Variants in IFI44L observed in about 807,000 individuals in gnomAD.
The protein encoded by IFI44L is interferon induced protein 44 like.
In IFI44L, 40 loss-of-function variants were observed where a neutral mutation model predicts 39.3. The observed-to-expected ratio is 1.02, with a 90% CI of 0.79 to 1.33. The LOEUF is 1.33. Ranked by LOEUF, IFI44L falls within the 40% of genes most tolerant of loss-of-function variation. The pLI is 0.00. For missense variants in IFI44L, 623 were observed against 549.0 expected (o/e 1.13, Z -1.35); for synonymous variants, 198 against 182.3 (o/e 1.09, Z -0.69).
chr1:78,635,308 C>G, intron 4 of IFI44L, 29 bp from the exon 5 acceptor site: 4 of 1,506,644 alleles, frequency 2.7e-6, no homozygotes, highest in Non-Finnish European at 3.7e-6. Flanking sequence ...GATGAATGAA[C>G]CTTTACACTT....
chr1:78,641,905 T>A lies in IFI44L; in HGVS notation c.*96T>A. The stretch of plus-strand genomic sequence containing the variant: ...TGACAGCCTGCTTCAGATTTTGCTT[T>A]TGTTCGTTTTGCCTTCTGTCCTTGG... On this transcript the variant is annotated 3_prime_UTR_variant, in exon 9 of 9. Coordinates refer to ENST00000370751, the MANE Select transcript of IFI44L (RefSeq NM_006820.4). 1 of 1,353,780 alleles carries A rather than the reference T, an allele frequency of 7.4e-7. No individual in the cohort carries two copies. Among genetic ancestry groups the A allele is most frequent in the Non-Finnish European group, 1.1e-6 (1 of 943,324 alleles). 83.9% of individuals were successfully genotyped at this position (1,353,780 alleles called of 1,614,324 possible). A position where few individuals can be genotyped will look rare whatever the true frequency, so the allele number is the denominator to read the frequency against.
In IFI44L at chr1:78,635,431, G is replaced by T. The variant is rs138987531; in HGVS notation, c.818G>T (p.Gly273Val). Residue 273 changes from glycine to valine, a missense_variant, in exon 5 of 9, where the codon GGA becomes GTA. Gly to Val is a moderately radical substitution (Grantham distance 109, BLOSUM62 -3). Transcript: ENST00000370751. ...TMGLDGAEGA[G>V]LCMDDIPHIL... Reference sequence around the variant, plus strand: ...GGGCTAGATGGGGCAGAAGGAGCAGGACTGTGCATGGATGACATTCCCCAC... The same window carrying T: ...GGGCTAGATGGGGCAGAAGGAGCAGTACTGTGCATGGATGACATTCCCCAC... 2.4e-5 allele frequency: 38 copies of T among 1,613,596 alleles called. No homozygotes were observed. In the African/African-American group the frequency reaches 4.0e-4, roughly 17 times the overall value.
intron 4 of IFI44L, among the ~76,000 whole-genome samples, chr1:78,633,168 G>A (rs1159316193): frequency 6.6e-6 from 1 of 152,200 alleles, no homozygotes; most frequent in African/African-American, 2.4e-5. Context: ...CTCAACCCCA[G>A]GGAGCATAGT....
intron 6 of IFI44L, among the ~76,000 whole-genome samples, chr1:78,640,122 G>C (rs1421147562): frequency 6.6e-6 from 1 of 152,076 alleles, no homozygotes; most frequent in Non-Finnish European, 1.5e-5. Flanking sequence ...GGGTAAGACA[G>C]AAATGCTAAG....
At chr1:78,621,723 TTC>T (rs1652281681) in intron 1 of IFI44L, among the ~76,000 whole-genome samples, 1 of 152,096 alleles carries the variant, frequency 6.6e-6, no homozygotes, top group Admixed American at 6.5e-5. Flanking sequence ...TTAAAATTAC[TTC>T]TGTTTTTATA....
At chr1:78,637,699 A>G (rs1052545698) in intron 6 of IFI44L, among the ~76,000 whole-genome samples, 4 of 152,088 alleles carry the variant, frequency 2.6e-5, no homozygotes, top group African/African-American at 9.7e-5. Flanking sequence ...TGAATGTTAT[A>G]CAAATGGAAT....
At chr1:78,640,610 G>A (rs941340550) in intron 6 of IFI44L, among the ~76,000 whole-genome samples, 8 of 152,082 alleles carry the variant, frequency 5.3e-5, no homozygotes, top group Admixed American at 2.0e-4. Flanking sequence ...AGGGAGAAAG[G>A]AGTAGGTCCC....
At position 78,644,244 on chromosome 1, in the gene IFI44L, A is replaced by G. The variant is rs1400450832; in HGVS notation, c.*2435A>G. On this transcript the variant is annotated 3_prime_UTR_variant, in exon 9 of 9. Coordinates refer to ENST00000370751, the MANE Select transcript of IFI44L (RefSeq NM_006820.4). The stretch of plus-strand genomic sequence containing the variant: ...CTTCTTTATTTTGTTTAAAGGGGTA[A>G]CACAGAGTGCCCTTATGAAGGAGTT... The G allele has an allele frequency of 6.6e-6, 1 of 152,214 alleles. No individual in the cohort carries two copies. Among genetic ancestry groups the G allele is most frequent in the Non-Finnish European group, 1.5e-5 (1 of 68,048 alleles). 9.4% of individuals were successfully genotyped at this position (152,214 alleles called of 1,614,324 possible).
rs1557693807 is a variant in IFI44L at position 78,645,146 on chromosome 1, C to G, written c.*3337C>G. Reference sequence around the variant, plus strand: ...ATCTTCATTTTCCTGGAATTTGATACAGAGAGCAATTTATAGCCAATTGAT... The same window carrying G: ...ATCTTCATTTTCCTGGAATTTGATAGAGAGAGCAATTTATAGCCAATTGAT... On this transcript the variant is annotated 3_prime_UTR_variant, in exon 9 of 9. Coordinates refer to ENST00000370751, the MANE Select transcript of IFI44L (RefSeq NM_006820.4). 1 of 152,200 alleles carries G rather than the reference C, an allele frequency of 6.6e-6. No individual in the cohort carries two copies. 9.4% of individuals were successfully genotyped at this position (152,200 alleles called of 1,614,324 possible). A position where few individuals can be genotyped will look rare whatever the true frequency, so the allele number is the denominator to read the frequency against.
At chr1:78,636,926 G>T in intron 5 of IFI44L, 106 bp from the exon 6 acceptor site, 1 of 799,960 alleles carries the variant, frequency 1.3e-6, no homozygotes, top group South Asian at 1.7e-5. Flanking sequence ...TAGCTGAGGA[G>T]AAAGAGGGAG....
Position 78,642,944 on chromosome 1 carries a change from G to T in IFI44L, c.*1135G>T, listed in dbSNP as rs1325160005. On this transcript the variant is annotated 3_prime_UTR_variant, in exon 9 of 9. Coordinates refer to ENST00000370751, the MANE Select transcript of IFI44L (RefSeq NM_006820.4). The stretch of plus-strand genomic sequence containing the variant: ...GTCCTCTTACTAGCTGTGAAAGCTA[G>T]TACTATTAAGAAAGAAAACAAAATT... The T allele has an allele frequency of 1.3e-5, 2 of 151,832 alleles. No homozygotes were observed. Among genetic ancestry groups the T allele is most frequent in the East Asian group, 3.9e-4 (2 of 5,166 alleles). The allele number at this position is 151,832 out of a possible 1,614,324, so 9.4% of individuals were successfully genotyped here.
intron 4 of IFI44L, among the ~76,000 whole-genome samples, chr1:78,631,237 A>C (rs1652738060): frequency 6.6e-6 from 1 of 152,176 alleles, no homozygotes; most frequent in Non-Finnish European, 1.5e-5. Flanking sequence ...TTGAAGTTGT[A>C]AAGAAAGCAA....
At chr1:78,628,458 T>C in intron 2 of IFI44L, 65 bp downstream of exon 2, 1 of 912,518 alleles carries the variant, frequency 1.1e-6, no homozygotes, top group Non-Finnish European at 1.7e-6. Context: ...CGGTAGGTAA[T>C]AATTGATCTA....
At chr1:78,638,612 G>A (rs1263612748) in intron 6 of IFI44L, among the ~76,000 whole-genome samples, 1 of 151,932 alleles carries the variant, frequency 6.6e-6, no homozygotes. Context: ...CATAGCTATT[G>A]TTTTTCCTAT....
chr1:78,633,797 A>C (rs191855165), intron 4 of IFI44L, among the ~76,000 whole-genome samples: 83 of 152,334 alleles, frequency 5.4e-4, no homozygotes, highest in African/African-American at 1.9e-3. Flanking sequence ...GAAGCACAGC[A>C]AACTTCAAGA....
At chr1:78,640,000 T>C (rs1029556764) in intron 6 of IFI44L, among the ~76,000 whole-genome samples, 3 of 152,140 alleles carry the variant, frequency 2.0e-5, no homozygotes, top group Admixed American at 6.6e-5. Context: ...GTTTTGCATC[T>C]GAACTTAATA....
In IFI44L at chr1:78,642,761, A is replaced by G. The variant is rs1218964759; in HGVS notation, c.*952A>G. ...ACTTTTTTTTAACAATTTACATTTT[A>G]TTTCTATGGGAAAAAATAAATATTC... On this transcript the variant is annotated 3_prime_UTR_variant, in exon 9 of 9. Coordinates refer to ENST00000370751, the MANE Select transcript of IFI44L (RefSeq NM_006820.4). 1 of 152,124 alleles carries G rather than the reference A, an allele frequency of 6.6e-6. No homozygotes were observed. Among genetic ancestry groups the G allele is most frequent in the Admixed American group, 6.5e-5 (1 of 15,274 alleles). The allele number at this position is 152,124 out of a possible 1,614,324, so 9.4% of individuals were successfully genotyped here.
intron 2 of IFI44L, chr1:78,628,728 A>G: frequency 1.8e-6 from 1 of 542,490 alleles, no homozygotes; most frequent in Non-Finnish European, 3.3e-6. Context: ...TATGACCCTT[A>G]GAACTTCTAG....
At chr1:78,635,210 G>A in intron 4 of IFI44L, 127 bp from the exon 5 acceptor site, 1 of 656,454 alleles carries the variant, frequency 1.5e-6, no homozygotes, top group South Asian at 2.1e-5. Flanking sequence ...AGTCTAAAGG[G>A]GTCCTGAGAC....
Sources: gnomAD v4.1 joint callset for allele counts (sites outside exome capture counted in the v4.1 genomes callset) on GRCh38, gnomAD v4.1.1 for gene constraint, MANE v1.5 for transcripts, NCBI Gene and HGNC (gene_info 2026-07-23, HGNC 2026-07-21) for gene names.